The following NRXN3 variants were observed in gnomAD, a reference collection of about 807,000 sequenced individuals.
The protein encoded by NRXN3 is neurexin 3, also known as neurexin III.
In NRXN3, 32 loss-of-function variants were observed where a neutral mutation model predicts 137.6. The ratio of observed to expected loss-of-function variants is 0.23; its 90% CI spans 0.18 to 0.31. NRXN3 has a LOEUF of 0.31. Ranked by LOEUF, NRXN3 falls within the 10% of genes least tolerant of loss-of-function variation. The pLI, the probability that NRXN3 is intolerant of heterozygous loss-of-function variation, is 1.00. For synonymous variants in NRXN3, 798 were observed against 784.5 expected, an observed-to-expected ratio of 1.02 and a Z score of -0.29; for missense variants, 1,574 against 2,062.5, an observed-to-expected ratio of 0.76 and a Z score of 4.59.
intron 15 of NRXN3, among the ~76,000 whole-genome samples, chr14:79,193,109 C>T (rs1031758902): frequency 1.4e-5 from 2 of 147,132 alleles, no homozygotes; most frequent in African/African-American, 2.5e-5. Context: ...TAAACTTACC[C>T]TATGGCTTTG....
At chr14:78,771,139 AG>A (rs1168348268) in intron 8 of NRXN3, among the ~76,000 whole-genome samples, 7 of 152,218 alleles carry the variant, frequency 4.6e-5, no homozygotes, top group Non-Finnish European at 1.0e-4. Flanking sequence ...GGCACCGCTG[AG>A]CAAGACCAGG....
intron 16 of NRXN3, among the ~76,000 whole-genome samples, chr14:79,481,924 A>G (rs1202149614): frequency 1.3e-5 from 2 of 152,042 alleles, no homozygotes; most frequent in Non-Finnish European, 2.9e-5. Context: ...TTGAGTCAAG[A>G]GTTGTGGGCC....
At chr14:79,422,858 C>T (rs1057333136) in intron 15 of NRXN3, among the ~76,000 whole-genome samples, 2 of 151,930 alleles carry the variant, frequency 1.3e-5, no homozygotes, top group African/African-American at 4.8e-5. Flanking sequence ...CTCCACCATG[C>T]CCGGCTAATT....
intron 15 of NRXN3, among the ~76,000 whole-genome samples, chr14:78,993,320 G>A (rs1353521008): frequency 6.6e-6 from 1 of 152,046 alleles, no homozygotes; most frequent in African/African-American, 2.4e-5. Flanking sequence ...GCAAAGAAGG[G>A]GACAGATATG....
chr14:79,434,100 C>T (rs779398791), intron 15 of NRXN3, among the ~76,000 whole-genome samples: 128 of 152,248 alleles, frequency 8.4e-4, no homozygotes, highest in African/African-American at 2.5e-3. Context: ...ACCTGTAGCA[C>T]GTAGCACTAA....
At position 79,743,995 on chromosome 14, in the gene NRXN3, A is replaced by G. The variant is rs79244514; in HGVS notation, c.4014+46058A>G. ...ATCAATTTTATACTGACTAAGATGA[A>G]CACATTATTTTAATATATTGTTTCC... On this transcript the variant is annotated intron_variant, in intron 19 of 20. Transcript: ENST00000335750. Among the ~76,000 whole-genome samples, 350 of 152,348 alleles carry G rather than the reference A, an allele frequency of 2.3e-3. 11 individuals are homozygous for G. In the East Asian group the frequency reaches 0.044, roughly 19 times the overall value.
intron 15 of NRXN3, among the ~76,000 whole-genome samples, chr14:79,377,243 A>G (rs888644483): frequency 1.3e-5 from 2 of 152,206 alleles, no homozygotes; most frequent in Non-Finnish European, 2.9e-5. Flanking sequence ...CTTATCAACA[A>G]TGTTTCACAG....
intron 19 of NRXN3, among the ~76,000 whole-genome samples, chr14:79,715,254 C>G (rs2098819780): frequency 6.6e-6 from 1 of 152,160 alleles, no homozygotes; most frequent in Non-Finnish European, 1.5e-5. Flanking sequence ...TGCCCAGCCT[C>G]TTAAATCCTG....
chr14:79,278,212 T>A (rs1466396810), intron 15 of NRXN3, among the ~76,000 whole-genome samples: 1 of 152,144 alleles, frequency 6.6e-6, no homozygotes, highest in African/African-American at 2.4e-5. Flanking sequence ...CCTTCCTCCC[T>A]GCAAATGTAA....
chr14:78,810,016 T>C (rs1353322762), intron 9 of NRXN3, among the ~76,000 whole-genome samples: 1 of 51,828 alleles, frequency 1.9e-5, no homozygotes, highest in African/African-American at 3.9e-5. Context: ...AAAGAATAGC[T>C]TTTTTTGAAA....
chr14:79,193,835 T>C lies in NRXN3; in HGVS notation c.3262+205694T>C, dbSNP rs145229986. ...TTTCTTGAATGATAGCATCTTGAAT[T>C]TCCTACAAAGTATGGAATAGTTTAC... On this transcript the variant is annotated intron_variant, in intron 15 of 20. Transcript: ENST00000335750. Among the ~76,000 whole-genome samples, 347 of 152,294 alleles carry C rather than the reference T, an allele frequency of 2.3e-3. 2 individuals are homozygous for C. Among genetic ancestry groups the C allele is most frequent in the Non-Finnish European group, 3.6e-3 (242 of 68,014 alleles).
intron 10 of NRXN3, among the ~76,000 whole-genome samples, chr14:78,956,358 A>G (rs1208151467): frequency 2.0e-5 from 3 of 152,176 alleles, no homozygotes; most frequent in Non-Finnish European, 4.4e-5. Flanking sequence ...GGATCATTTT[A>G]ATGCCTCTTT....
At chr14:79,590,996 C>T (rs1291883312) in intron 16 of NRXN3, among the ~76,000 whole-genome samples, 3 of 152,124 alleles carry the variant, frequency 2.0e-5, no homozygotes, top group Non-Finnish European at 4.4e-5. Context: ...CTCATTATAA[C>T]ACAAATTTCC....
chr14:79,414,860 A>G (rs541583280), intron 15 of NRXN3, among the ~76,000 whole-genome samples: 8 of 151,916 alleles, frequency 5.3e-5, no homozygotes, highest in African/African-American at 1.9e-4. Context: ...ACACCTCCCC[A>G]TTTCCCCTAT....
intron 4 of NRXN3, among the ~76,000 whole-genome samples, chr14:78,439,489 C>T (rs968495339): frequency 1.3e-5 from 2 of 152,134 alleles, no homozygotes; most frequent in Non-Finnish European, 2.9e-5. Context: ...ATTGGCATAC[C>T]CATTTTACAG....
intron 6 of NRXN3, among the ~76,000 whole-genome samples, chr14:78,706,195 G>A (rs1033467737): frequency 6.6e-6 from 1 of 152,094 alleles, no homozygotes; most frequent in African/African-American, 2.4e-5. Flanking sequence ...TCTAGTCACA[G>A]GCATTTAACC....
intron 15 of NRXN3, among the ~76,000 whole-genome samples, chr14:79,333,373 G>C (rs1312190070): frequency 6.6e-6 from 1 of 152,096 alleles, no homozygotes; most frequent in Non-Finnish European, 1.5e-5. Context: ...ACAAATGCTT[G>C]TCATAAACCA....
chr14:78,316,556 A>C (rs2078732512), intron 4 of NRXN3, among the ~76,000 whole-genome samples: 1 of 151,802 alleles, frequency 6.6e-6, no homozygotes, highest in Non-Finnish European at 1.5e-5. Context: ...TTTTTGGAGG[A>C]GAAGGGAGCT....
chr14:78,479,343 G>T (rs1041688107), intron 4 of NRXN3, among the ~76,000 whole-genome samples: 10 of 152,196 alleles, frequency 6.6e-5, no homozygotes, highest in African/African-American at 2.2e-4. Flanking sequence ...TGGAGAGTTT[G>T]TTAAACCACA....
Sources: gnomAD v4.1 joint callset for allele counts (sites outside exome capture counted in the v4.1 genomes callset) on GRCh38, gnomAD v4.1.1 for gene constraint, MANE v1.5 for transcripts, NCBI Gene and HGNC (gene_info 2026-07-23, HGNC 2026-07-21) for gene names.